Variants in RTTN observed in about 807,000 individuals in gnomAD.
RTTN encodes rotatin.
RTTN carries 182 observed loss-of-function variants against 269.2 expected under a neutral mutation model. The ratio of observed to expected loss-of-function variants is 0.68; its 90% CI spans 0.60 to 0.76. RTTN has a LOEUF of 0.76. RTTN is among the 30% of genes least tolerant of loss of function. RTTN has a pLI of 0.00. For missense variants in RTTN, 2,545 were observed against 2,608.6 expected (o/e 0.98, Z 0.53); for synonymous variants, 1,006 against 963.5 (o/e 1.04, Z -0.82).
intron 40 of RTTN, among the ~76,000 whole-genome samples, chr18:70,044,434 C>A (rs1449063187): frequency 6.6e-6 from 1 of 152,020 alleles, no homozygotes; most frequent in African/African-American, 2.4e-5. Flanking sequence ...TATGTATTTG[C>A]AAATAAAACA....
chr18:70,180,591 G>GA (rs34828958), intron 10 of RTTN, among the ~76,000 whole-genome samples: 33,084 of 94,910 alleles, frequency 0.35, 4,834 homozygotes, highest in South Asian at 0.49. Context: ...CTGGGGAAGA[G>GA]AAAAAAAAAA....
intron 13 of RTTN, 123 bp downstream of exon 13, chr18:70,166,796 A>C (rs2060998642): frequency 1.6e-6 from 1 of 638,422 alleles, no homozygotes; most frequent in South Asian, 2.1e-5. Flanking sequence ...ACACATATAA[A>C]AGCAATTAAA....
At chr18:70,111,862 A>G (rs1385763076) in intron 27 of RTTN, among the ~76,000 whole-genome samples, 1 of 152,222 alleles carries the variant, frequency 6.6e-6, no homozygotes, top group Non-Finnish European at 1.5e-5. Flanking sequence ...CATCAGATTT[A>G]CCAAAGATTA....
chr18:70,188,515 C>T (rs2061598570), intron 9 of RTTN, among the ~76,000 whole-genome samples: 1 of 152,094 alleles, frequency 6.6e-6, no homozygotes, highest in Non-Finnish European at 1.5e-5. Flanking sequence ...AATAATTTTT[C>T]GAATTTAGGG....
intron 14 of RTTN, among the ~76,000 whole-genome samples, chr18:70,158,748 AAGAT>A (rs1261257038): frequency 6.6e-6 from 1 of 152,212 alleles, no homozygotes; most frequent in Non-Finnish European, 1.5e-5. Context: ...AATGGAGATA[AAGAT>A]CTATCCAGCA....
chr18:70,011,164 G>C (rs938830458), intron 46 of RTTN, among the ~76,000 whole-genome samples: 1 of 152,136 alleles, frequency 6.6e-6, no homozygotes, highest in African/African-American at 2.4e-5. Context: ...GGCATACAAA[G>C]TGGAGCTGGT....
At chr18:70,149,804 G>T (rs2060490535) in intron 16 of RTTN, among the ~76,000 whole-genome samples, 167 bp downstream of exon 16, 1 of 151,846 alleles carries the variant, frequency 6.6e-6, no homozygotes, top group Non-Finnish European at 1.5e-5. Context: ...TTAACTTTCT[G>T]CCAGAAACAA....
At chr18:70,018,653 A>C (rs563433074) in intron 45 of RTTN, among the ~76,000 whole-genome samples, 1 of 152,260 alleles carries the variant, frequency 6.6e-6, no homozygotes, top group African/African-American at 2.4e-5. Flanking sequence ...CATTACCCAC[A>C]CAATAAGTAA....
In RTTN at chr18:70,114,446, T is replaced by A; in HGVS notation, c.3682A>T (p.Arg1228Trp). 15 of 1,612,576 alleles carry A rather than the reference T, an allele frequency of 9.3e-6. No individual in the cohort carries two copies. The highest frequency in any genetic ancestry group is 1.3e-5 in the Non-Finnish European group (15 of 1,179,196). The change falls in exon 27 of 49, where the codon AGG becomes TGG. Residue 1228 changes from arginine to tryptophan, a missense_variant and splice_region_variant. Physicochemically the swap from Arg to Trp is moderately radical, Grantham distance 101. Transcript: ENST00000640769. ...LLLNFMEVTD[R>W]KCSELLYVFQ... is the part of the protein sequence containing the mutation. ...AACCTGCAATATTACAAATGGTACC[T>A]GTCAGTAACTTCCATGAAATTGAGC...
At chr18:70,124,258 G>A (rs914726863) in intron 25 of RTTN, among the ~76,000 whole-genome samples, 4 of 151,960 alleles carry the variant, frequency 2.6e-5, no homozygotes, top group African/African-American at 7.2e-5. Flanking sequence ...TAATCACAGC[G>A]CAAAAACAGA....
At chr18:70,113,650 C>T (rs971248739) in intron 27 of RTTN, among the ~76,000 whole-genome samples, 1 of 152,008 alleles carries the variant, frequency 6.6e-6, no homozygotes, top group African/African-American at 2.4e-5. Context: ...GATCAAATGT[C>T]CACCAATGAA....
intron 40 of RTTN, among the ~76,000 whole-genome samples, chr18:70,032,719 A>T (rs1249337010): frequency 6.6e-6 from 1 of 152,206 alleles, no homozygotes; most frequent in Non-Finnish European, 1.5e-5. Flanking sequence ...AGACTCCCAT[A>T]GGGTAACGTG....
intron 28 of RTTN, among the ~76,000 whole-genome samples, chr18:70,101,161 C>T (rs2059154292): frequency 1.3e-5 from 2 of 152,212 alleles, no homozygotes; most frequent in Non-Finnish European, 2.9e-5. Flanking sequence ...GTACTAGCTC[C>T]TCTTCGTACC....
At chr18:70,100,115 A>C (rs1478890658) in intron 28 of RTTN, among the ~76,000 whole-genome samples, 1 of 152,234 alleles carries the variant, frequency 6.6e-6, no homozygotes, top group Non-Finnish European at 1.5e-5. Context: ...AATTCTGTGA[A>C]GAAAGTCATT....
In RTTN at chr18:70,112,787, G is replaced by T. The variant is rs185013905; in HGVS notation, c.3683+1658C>A. 5.3e-4 allele frequency among the ~76,000 whole-genome samples: 80 copies of T among 152,066 alleles called. 2 individuals are homozygous for T. The East Asian group carries it at 0.012, about 23-fold the overall frequency. On this transcript the variant is annotated intron_variant, in intron 27 of 48. Coordinates refer to ENST00000640769, the MANE Select transcript of RTTN (RefSeq NM_173630.4). ...ACAGAAAATTAACAAGGATATTCAGGACTTGAACTCAGCTCTTGACCAAGC... is the reference window on the plus strand; with the variant it reads ...ACAGAAAATTAACAAGGATATTCAGTACTTGAACTCAGCTCTTGACCAAGC...
chr18:70,134,592 T>A (rs759885016), intron 22 of RTTN, 51 bp from the exon 23 acceptor site: 1 of 1,329,070 alleles, frequency 7.5e-7, no homozygotes, highest in African/African-American at 1.5e-5. Flanking sequence ...GTAGACCAAG[T>A]TTTGTCTAAC....
intron 45 of RTTN, among the ~76,000 whole-genome samples, chr18:70,018,103 T>C (rs781446409): frequency 9.2e-5 from 14 of 152,188 alleles, no homozygotes; most frequent in Non-Finnish European, 1.9e-4. Context: ...AGTGAGGGTA[T>C]TTTGAATCAT....
At chr18:70,033,315 C>G (rs999075143) in intron 40 of RTTN, among the ~76,000 whole-genome samples, 1 of 152,196 alleles carries the variant, frequency 6.6e-6, no homozygotes, top group African/African-American at 2.4e-5. Flanking sequence ...TTATAAATTA[C>G]TCCGTGTCAG....
chr18:70,173,491 C>CAAAAAA (rs397974179), intron 11 of RTTN, among the ~76,000 whole-genome samples: 178 of 48,026 alleles, frequency 3.7e-3, no homozygotes, highest in Non-Finnish European at 5.0e-3. Flanking sequence ...GACTCCAACT[C>CAAAAAA]AAAAAAAAAA....
Sources: allele counts gnomAD v4.1 joint callset (sites outside exome capture counted in the v4.1 genomes callset), GRCh38; gene constraint gnomAD v4.1.1; transcripts MANE v1.5; gene names NCBI Gene and HGNC (gene_info 2026-07-23, HGNC 2026-07-21).